FCHO2: variants seen among roughly 807,000 people sequenced by gnomAD.
FCHO2 encodes the protein F-BAR domain only protein 2.
A neutral mutation model predicts 114.1 loss-of-function variants in FCHO2; 43 were observed. The observed-to-expected ratio is 0.38, with a 90% CI of 0.30 to 0.49. The LOEUF (loss-of-function observed/expected upper bound fraction) is 0.49. Ranked by LOEUF, FCHO2 falls within the 20% of genes least tolerant of loss-of-function variation. The pLI, the probability that FCHO2 is intolerant of heterozygous loss-of-function variation, is 0.97. For synonymous variants in FCHO2, 293 were observed against 315.2 expected (o/e 0.93, Z 0.75); for missense variants, 807 against 950.4 (o/e 0.85, Z 1.98).
chr5:73,021,739 A>G (rs772505166), intron 8 of FCHO2, among the ~76,000 whole-genome samples: 65 of 152,260 alleles, frequency 4.3e-4, no homozygotes, highest in Non-Finnish European at 7.5e-4. Flanking sequence ...TATTTTCTCT[A>G]TTTGTAAGCA....
chr5:73,077,375 T>C lies in FCHO2; in HGVS notation c.1729T>C (p.Phe577Leu). 1 of 1,586,022 alleles carries C rather than the reference T, an allele frequency of 6.3e-7. No individual in the cohort carries two copies. Among genetic ancestry groups the C allele is most frequent in the Non-Finnish European group, 8.6e-7 (1 of 1,164,618 alleles). The change falls in exon 21 of 26, where the codon TTT (phenylalanine) becomes CTT (leucine). Residue 577 changes from phenylalanine (F) to leucine (L), a missense_variant. Physicochemically the swap from Phe to Leu is conservative, Grantham distance 22. Transcript: ENST00000430046. ...VKITGDMTMSFPSGIIKVFTS... is the reference protein window; with the variant it reads ...VKITGDMTMSLPSGIIKVFTS... ...GATCACTGGTGATATGACAATGTCA[T>C]TTCCAAGTGGAATTATTAAAGTCTT...
At chr5:72,968,821 A>G (rs2112604123) in intron 2 of FCHO2, among the ~76,000 whole-genome samples, 1 of 152,328 alleles carries the variant, frequency 6.6e-6, no homozygotes, top group Non-Finnish European at 1.5e-5. Context: ...CCTTCTTGAA[A>G]ATATTATCTA....
chr5:73,035,853 C>CT (rs1277882277), intron 9 of FCHO2, among the ~76,000 whole-genome samples: 2 of 151,692 alleles, frequency 1.3e-5, no homozygotes, highest in African/African-American at 4.8e-5. Context: ...GTGCTGAATT[C>CT]TTTTTTTTGA....
Position 73,056,061 on chromosome 5 carries a change from T to C in FCHO2, c.1211-4T>C. 1 of 1,493,106 alleles carries C rather than the reference T, an allele frequency of 6.7e-7. No homozygotes were observed. Among genetic ancestry groups the C allele is most frequent in the Non-Finnish European group, 9.0e-7 (1 of 1,116,612 alleles). The allele number at this position is 1,493,106 out of a possible 1,614,324, so 92.5% of individuals were successfully genotyped here. On this transcript the variant is annotated splice_region_variant and splice_polypyrimidine_tract_variant and intron_variant, in intron 15 of 25. Transcript: ENST00000430046. The stretch of plus-strand genomic sequence containing the variant: ...AAGTTTTCATATTTTAATTTTTTAA[T>C]TAGATGAGGAGTTAACAAAATCAAA...
At chr5:73,055,007 CAA>C (rs1757524436) in intron 15 of FCHO2, 1 of 285,278 alleles carries the variant, frequency 3.5e-6, no homozygotes, top group Non-Finnish European at 7.3e-6. Context: ...TTAAAAATAA[CAA>C]GGGTTGTGGG....
chr5:73,056,873 A>T (rs937422123), intron 16 of FCHO2, among the ~76,000 whole-genome samples: 21 of 147,530 alleles, frequency 1.4e-4, no homozygotes, highest in African/African-American at 5.0e-4. Context: ...AGCTCTTCTT[A>T]AAAAAAAAAA....
In FCHO2 at chr5:73,011,233, A is replaced by G. The variant is rs1476488787; in HGVS notation, c.601-4393A>G. Among the ~76,000 whole-genome samples, 2 of 152,346 alleles carry G rather than the reference A, an allele frequency of 1.3e-5. 1 individual carries two copies. The highest frequency in any genetic ancestry group is 4.8e-5 in the African/African-American group (2 of 41,590). On this transcript the variant is annotated intron_variant, in intron 6 of 25. Transcript: ENST00000430046. ...ATTACTGTACACTACTGTAGATTTTATAAGCACTGTAGATTTAGGTTACAT... is the reference window on the plus strand; with the variant it reads ...ATTACTGTACACTACTGTAGATTTTGTAAGCACTGTAGATTTAGGTTACAT...
intron 24 of FCHO2, among the ~76,000 whole-genome samples, chr5:73,086,134 A>C (rs78843076): frequency 6.6e-6 from 1 of 152,070 alleles, no homozygotes; most frequent in Non-Finnish European, 1.5e-5. Flanking sequence ...AAAAAAAAAA[A>C]ACACAAAAAA....
chr5:73,021,604 C>G (rs1318066255), intron 8 of FCHO2, among the ~76,000 whole-genome samples: 1 of 152,130 alleles, frequency 6.6e-6, no homozygotes, highest in African/African-American at 2.4e-5. Flanking sequence ...CGGTTATTAT[C>G]TTTAATGATA....
chr5:73,006,579 CAG>C (rs779531105), intron 6 of FCHO2, 30 bp downstream of exon 6: 26 of 1,389,048 alleles, frequency 1.9e-5, no homozygotes, highest in Admixed American at 9.3e-5. Flanking sequence ...AGATTGAAAA[CAG>C]GGCATTTATA....
chr5:73,074,997 C>G, intron 20 of FCHO2, 144 bp downstream of exon 20: 1 of 638,274 alleles, frequency 1.6e-6, no homozygotes, highest in Non-Finnish European at 2.6e-6. Context: ...TGCTTTTTTG[C>G]TATCTAAGGT....
rs181160265 is a variant in FCHO2, at chr5:73,038,631, T to G, written c.914+1416T>G. ...ATTCTTGCTTTCTACCTAGTTATATTTCTATTTGAGTTTCCTAGAATTTCT... is the reference window on the plus strand; with the variant it reads ...ATTCTTGCTTTCTACCTAGTTATATGTCTATTTGAGTTTCCTAGAATTTCT... On this transcript the variant is annotated intron_variant, in intron 10 of 25. Coordinates refer to ENST00000430046, the MANE Select transcript of FCHO2 (RefSeq NM_138782.3). 3.4e-3 allele frequency among the ~76,000 whole-genome samples: 520 copies of G among 152,318 alleles called. 2 individuals are homozygous for G. The highest frequency in any genetic ancestry group is 0.012 in the African/African-American group (493 of 41,568).
At chr5:73,066,831 G>T (rs988583325) in intron 18 of FCHO2, among the ~76,000 whole-genome samples, 35 of 151,962 alleles carry the variant, frequency 2.3e-4, no homozygotes, top group Non-Finnish European at 5.9e-5. Context: ...CCAAGCAACT[G>T]TGTATTATTA....
intron 8 of FCHO2, 65 bp downstream of exon 8, chr5:73,017,373 C>T: frequency 3.0e-6 from 3 of 1,014,854 alleles, no homozygotes; most frequent in Non-Finnish European, 4.2e-6. Context: ...ACATATTTGC[C>T]TTGAAGATCA....
intron 10 of FCHO2, among the ~76,000 whole-genome samples, chr5:73,039,605 A>G (rs1263505335): frequency 6.6e-6 from 1 of 152,150 alleles, no homozygotes; most frequent in African/African-American, 2.4e-5. Flanking sequence ...CAAAATGTGC[A>G]ATTTTAAATG....
intron 5 of FCHO2, among the ~76,000 whole-genome samples, chr5:73,003,654 A>G (rs757980353): frequency 1.3e-5 from 2 of 152,178 alleles, no homozygotes; most frequent in Non-Finnish European, 2.9e-5. Context: ...GCAGCAGAGA[A>G]AAAGAAAAAA....
intron 11 of FCHO2, among the ~76,000 whole-genome samples, chr5:73,047,943 C>G (rs1469594745): frequency 2.0e-5 from 3 of 152,004 alleles, no homozygotes; most frequent in Non-Finnish European, 4.4e-5. Context: ...CTTAAGCGAT[C>G]CTCCCACCTC....
intron 5 of FCHO2, among the ~76,000 whole-genome samples, chr5:72,998,004 G>C (rs925133487): frequency 6.6e-5 from 10 of 151,274 alleles, no homozygotes; most frequent in African/African-American, 2.4e-4. Context: ...AGTCAGCTTT[G>C]TTGTGATTTG....
chr5:73,061,342 T>C (rs1344988557), intron 17 of FCHO2, among the ~76,000 whole-genome samples: 1 of 152,146 alleles, frequency 6.6e-6, no homozygotes, highest in African/African-American at 2.4e-5. Flanking sequence ...TTTGAACTTA[T>C]GCTCTTCTTC....
Sources: gnomAD v4.1 joint callset for allele counts (sites outside exome capture counted in the v4.1 genomes callset) on GRCh38, gnomAD v4.1.1 for gene constraint, MANE v1.5 for transcripts, NCBI Gene and HGNC (gene_info 2026-07-23, HGNC 2026-07-21) for gene names.